The following CTNNA3 variants were observed in gnomAD, a reference collection of about 807,000 sequenced individuals.
CTNNA3 encodes the protein catenin alpha-3.
In CTNNA3, 76 loss-of-function variants were observed where a neutral mutation model predicts 95.7. The ratio of observed to expected loss-of-function variants is 0.79; its 90% CI spans 0.66 to 0.96. The LOEUF (loss-of-function observed/expected upper bound fraction) is 0.96. Ranked by LOEUF, CTNNA3 falls within the 40% of genes least tolerant of loss-of-function variation. CTNNA3 has a pLI of 0.00. For missense variants in CTNNA3, 1,191 were observed against 1,089.8 expected, an observed-to-expected ratio of 1.09 and a Z score of -1.31; for synonymous variants, 431 against 374.4, an observed-to-expected ratio of 1.15 and a Z score of -1.74.
At chr10:66,920,092 G>C (rs149931910) in intron 7 of CTNNA3, among the ~76,000 whole-genome samples, 10 of 152,284 alleles carry the variant, frequency 6.6e-5, no homozygotes, top group African/African-American at 2.4e-4. Context: ...TCATGTTCAT[G>C]ACCCTTGATA....
intron 5 of CTNNA3, among the ~76,000 whole-genome samples, chr10:67,491,047 A>C (rs1217983920): frequency 6.6e-6 from 1 of 152,152 alleles, no homozygotes; most frequent in Non-Finnish European, 1.5e-5. Context: ...AAAAGAAAAA[A>C]AAACTAATAT....
At chr10:67,103,351 T>C (rs1286845738) in intron 7 of CTNNA3, among the ~76,000 whole-genome samples, 1 of 151,962 alleles carries the variant, frequency 6.6e-6, no homozygotes, top group African/African-American at 2.4e-5. Context: ...CCTGACAGAC[T>C]GTTGTTTATA....
intron 9 of CTNNA3, among the ~76,000 whole-genome samples, chr10:66,687,891 T>C (rs1268506976): frequency 7.9e-5 from 12 of 152,118 alleles, no homozygotes; most frequent in Non-Finnish European, 1.5e-5. Flanking sequence ...AAAAAAATGA[T>C]ATTGAGGTCA....
At chr10:66,643,886 A>G (rs538391735) in intron 9 of CTNNA3, among the ~76,000 whole-genome samples, 1 of 152,174 alleles carries the variant, frequency 6.6e-6, no homozygotes, top group Non-Finnish European at 1.5e-5. Flanking sequence ...CACAAAGAAG[A>G]AAGTACAAGA....
chr10:66,108,443 C>T (rs1483255611), intron 13 of CTNNA3, among the ~76,000 whole-genome samples: 4 of 152,236 alleles, frequency 2.6e-5, no homozygotes, highest in East Asian at 1.9e-4. Context: ...GGATCCTTCT[C>T]GGCATGGGAG....
intron 7 of CTNNA3, among the ~76,000 whole-genome samples, chr10:66,853,020 C>T (rs998079915): frequency 6.6e-5 from 10 of 152,108 alleles, no homozygotes; most frequent in Admixed American, 2.6e-4. Flanking sequence ...GACCATATGG[C>T]CAAATCTGGC....
At chr10:67,301,034 A>G (rs1356329501) in intron 5 of CTNNA3, among the ~76,000 whole-genome samples, 1 of 152,232 alleles carries the variant, frequency 6.6e-6, no homozygotes, top group Non-Finnish European at 1.5e-5. Flanking sequence ...AAAGTAAAAT[A>G]CTTTTATACA....
chr10:67,493,385 C>T (rs1186123028), intron 5 of CTNNA3, among the ~76,000 whole-genome samples: 1 of 151,986 alleles, frequency 6.6e-6, no homozygotes, highest in Admixed American at 6.6e-5. Context: ...CATGGTGAAA[C>T]CCCGTCTCTA....
intron 9 of CTNNA3, among the ~76,000 whole-genome samples, chr10:66,739,852 T>C (rs1849269081): frequency 6.6e-6 from 1 of 152,156 alleles, no homozygotes; most frequent in South Asian, 2.1e-4. Context: ...ATAAAATATA[T>C]ACATATGTGT....
At chr10:66,070,593 T>C (rs2080414631) in intron 14 of CTNNA3, among the ~76,000 whole-genome samples, 1 of 152,096 alleles carries the variant, frequency 6.6e-6, no homozygotes, top group Admixed American at 6.6e-5. Flanking sequence ...TTATGGAAAA[T>C]TATTTACTGT....
intron 11 of CTNNA3, among the ~76,000 whole-genome samples, chr10:66,426,402 C>T (rs192186216): frequency 6.6e-6 from 1 of 152,062 alleles, no homozygotes; most frequent in Admixed American, 6.6e-5. Flanking sequence ...CTATTGATTA[C>T]CGTGCTTTCT....
At chr10:66,673,296 A>C (rs1353596010) in intron 9 of CTNNA3, among the ~76,000 whole-genome samples, 1 of 152,118 alleles carries the variant, frequency 6.6e-6, no homozygotes, top group Non-Finnish European at 1.5e-5. Flanking sequence ...TGTTCGTTAA[A>C]TCACCATATA....
At chr10:66,947,167 C>T (rs1848314373) in intron 7 of CTNNA3, among the ~76,000 whole-genome samples, 1 of 152,094 alleles carries the variant, frequency 6.6e-6, no homozygotes, top group Admixed American at 6.6e-5. Context: ...CTACTTTACA[C>T]CAAGGTGTTC....
intron 7 of CTNNA3, among the ~76,000 whole-genome samples, chr10:66,857,911 G>T (rs1843743683): frequency 6.6e-6 from 1 of 152,084 alleles, no homozygotes; most frequent in Admixed American, 6.6e-5. Flanking sequence ...GCTCTTGCCT[G>T]ACTGGTCTGG....
intron 10 of CTNNA3, among the ~76,000 whole-genome samples, chr10:66,525,203 A>G (rs1262713892): frequency 2.2e-5 from 2 of 92,852 alleles, no homozygotes; most frequent in African/African-American, 8.4e-5. Context: ...AATGATACTC[A>G]GATAAAAGAA....
At chr10:66,726,368 T>C (rs565110262) in intron 9 of CTNNA3, among the ~76,000 whole-genome samples, 8 of 152,138 alleles carry the variant, frequency 5.3e-5, no homozygotes, top group African/African-American at 1.7e-4. Context: ...ATACATAAAA[T>C]TATATGCCAA....
intron 13 of CTNNA3, among the ~76,000 whole-genome samples, chr10:66,179,958 G>C (rs868439261): frequency 6.6e-6 from 1 of 152,098 alleles, no homozygotes; most frequent in Non-Finnish European, 1.5e-5. Context: ...TTGAATAGTA[G>C]ATGTGCCAGC....
chr10:66,482,847 C>G (rs1366371104), intron 11 of CTNNA3, among the ~76,000 whole-genome samples: 14 of 151,960 alleles, frequency 9.2e-5, no homozygotes, highest in Admixed American at 9.2e-4. Context: ...TAAACACAGA[C>G]AAAAAAGCTT....
chr10:66,820,336 T>C (rs1842262585), intron 7 of CTNNA3, among the ~76,000 whole-genome samples: 1 of 151,910 alleles, frequency 6.6e-6, no homozygotes, highest in South Asian at 2.1e-4. Context: ...GGGTAAGAAA[T>C]TGAAGTGACT....
Sources: allele counts gnomAD v4.1 joint callset (sites outside exome capture counted in the v4.1 genomes callset), GRCh38; gene constraint gnomAD v4.1.1; transcripts MANE v1.5; gene names NCBI Gene and HGNC (gene_info 2026-07-23, HGNC 2026-07-21).